The following MLLT10 variants were observed in gnomAD, a reference collection of about 807,000 sequenced individuals.
MLLT10 encodes protein AF-10.
A neutral mutation model predicts 129.1 loss-of-function variants in MLLT10; 30 were observed. The ratio of observed to expected loss-of-function variants is 0.23; its 90% CI spans 0.17 to 0.32. The LOEUF is 0.32. Ranked by LOEUF, MLLT10 falls within the 10% of genes least tolerant of loss-of-function variation. The pLI is 1.00. For synonymous variants in MLLT10, 490 were observed against 446.4 expected (o/e 1.10, Z -1.23); for missense variants, 1,119 against 1,268.3 (o/e 0.88, Z 1.79).
Position 21,612,293 on chromosome 10 carries a change from C to G in MLLT10, c.406-55C>G, listed in dbSNP as rs1199648337. ...CATTTCTGAAGATAATTGTAAAATT[C>G]TGATTCATGTTAAGAACATGTATGA... is the stretch of plus-strand genomic sequence containing the variant. On this transcript the variant is annotated intron_variant, in intron 5 of 22. Coordinates refer to ENST00000307729, the MANE Select transcript of MLLT10 (RefSeq NM_001195626.3). 8.5e-6 allele frequency: 9 copies of G among 1,059,686 alleles called. 1 individual carries two copies. Among genetic ancestry groups the G allele is most frequent in the Non-Finnish European group, 1.1e-5 (8 of 722,630 alleles). The allele number at this position is 1,059,686 out of a possible 1,614,324, so 65.6% of individuals were successfully genotyped here.
At chr10:21,671,107 C>G (rs2051352757) in intron 10 of MLLT10, 1 of 164,028 alleles carries the variant, frequency 6.1e-6, no homozygotes, top group Non-Finnish European at 1.3e-5. Flanking sequence ...CAACCTCCGC[C>G]TCTCAGGTTC....
At chr10:21,689,561 A>ATG (rs1390788945) in intron 13 of MLLT10, among the ~76,000 whole-genome samples, 128 of 90,124 alleles carry the variant, frequency 1.4e-3, no homozygotes, top group Admixed American at 2.8e-3. Flanking sequence ...ATATATATAT[A>ATG]TATGTATATA....
chr10:21,613,211 A>G (rs1454638363), intron 6 of MLLT10, among the ~76,000 whole-genome samples: 1 of 151,652 alleles, frequency 6.6e-6, no homozygotes, highest in Non-Finnish European at 1.5e-5. Context: ...AAAAAAAAAA[A>G]AAAAAAAGAT....
At chr10:21,541,936 G>C (rs1037610084) in intron 3 of MLLT10, among the ~76,000 whole-genome samples, 2 of 152,196 alleles carry the variant, frequency 1.3e-5, no homozygotes, top group Non-Finnish European at 2.9e-5. Flanking sequence ...ATCATAGAAA[G>C]TTTGGGACTT....
chr10:21,697,967 G>A (rs1470880552), intron 13 of MLLT10, among the ~76,000 whole-genome samples: 2 of 152,116 alleles, frequency 1.3e-5, no homozygotes, highest in South Asian at 2.1e-4. Context: ...TATGGGGGAC[G>A]TTTGAGTGTT....
At chr10:21,663,872 T>C (rs972640096) in intron 9 of MLLT10, among the ~76,000 whole-genome samples, 1 of 152,174 alleles carries the variant, frequency 6.6e-6, no homozygotes, top group Non-Finnish European at 1.5e-5. Context: ...TGTTTAGCAG[T>C]TTGCCCTGTG....
chr10:21,562,818 GTTTTTTTT>G (rs1163404490), intron 3 of MLLT10, among the ~76,000 whole-genome samples: 1 of 82,570 alleles, frequency 1.2e-5, no homozygotes, highest in Non-Finnish European at 2.4e-5. Flanking sequence ...TGTTTTTTTT[GTTTTTTTT>G]TTTTTTTTTT....
In MLLT10 at chr10:21,742,145, T is replaced by G. The variant is rs1234552096; in HGVS notation, c.*162T>G. On this transcript the variant is annotated 3_prime_UTR_variant, in exon 23 of 23. Transcript: ENST00000307729. ...GACATTCTTGTAAGGCTTTGATTAG[T>G]TTTCTTGTTGCTTTGTTGCACTGAA... 10 of 623,540 alleles carry G rather than the reference T, an allele frequency of 1.6e-5. No homozygotes were observed. Among genetic ancestry groups the G allele is most frequent in the Admixed American group, 1.0e-4 (3 of 29,876 alleles). 38.6% of individuals were successfully genotyped at this position (623,540 alleles called of 1,614,324 possible).
Position 21,538,925 on chromosome 10 carries a change from T to C in MLLT10, c.240+13T>C. The C allele has an allele frequency of 6.3e-7, 1 of 1,596,912 alleles. No individual in the cohort carries two copies. Among genetic ancestry groups the C allele is most frequent in the East Asian group, 2.2e-5 (1 of 44,796 alleles). On this transcript the variant is annotated intron_variant, in intron 3 of 22. Transcript: ENST00000307729. ...AGCAGCCAGAGTGGTAAGGACTATT[T>C]ATCAAAAACATTAAACTTTAGTGAG...
At chr10:21,721,265 A>C (rs1031407644) in intron 14 of MLLT10, among the ~76,000 whole-genome samples, 1 of 152,170 alleles carries the variant, frequency 6.6e-6, no homozygotes, top group Non-Finnish European at 1.5e-5. Flanking sequence ...TTTCAGATCT[A>C]TCTCTAGATG....
At chr10:21,669,103 ATT>A in intron 9 of MLLT10, 2 of 1,223,776 alleles carry the variant, frequency 1.6e-6, no homozygotes, top group Non-Finnish European at 1.1e-6. Flanking sequence ...GTAAAATGGG[ATT>A]TTTTTTTTCC....
At chr10:21,741,825 G>GA in intron 22 of MLLT10, 114 bp from the exon 23 acceptor site, 1 of 1,124,728 alleles carries the variant, frequency 8.9e-7, no homozygotes. Flanking sequence ...CAACTTGCAA[G>GA]AAAAAAGGGA....
At chr10:21,682,701 G>A (rs1355005852) in intron 13 of MLLT10, among the ~76,000 whole-genome samples, 12 of 152,150 alleles carry the variant, frequency 7.9e-5, no homozygotes, top group Non-Finnish European at 5.9e-5. Flanking sequence ...ATAAATGGAA[G>A]ATAGTCTTTT....
chr10:21,650,460 G>GA (rs1244737540), intron 8 of MLLT10, among the ~76,000 whole-genome samples: 3 of 152,100 alleles, frequency 2.0e-5, no homozygotes, highest in Non-Finnish European at 2.9e-5. Flanking sequence ...ATTAAAAGCA[G>GA]AAAAAATGGC....
chr10:21,651,619 A>G (rs1564579689), intron 8 of MLLT10, 54 bp from the exon 9 acceptor site: 1 of 1,224,778 alleles, frequency 8.2e-7, no homozygotes, highest in East Asian at 2.4e-5. Context: ...TCTCTGTTGC[A>G]TATATGGGGT....
chr10:21,738,825 C>G (rs762627672), intron 21 of MLLT10, among the ~76,000 whole-genome samples: 16 of 152,056 alleles, frequency 1.1e-4, no homozygotes, highest in Non-Finnish European at 1.8e-4. Context: ...TTCCTGGGTC[C>G]TCCTCTTCAG....
intron 13 of MLLT10, among the ~76,000 whole-genome samples, chr10:21,689,561 A>ATATGTGTATATATATATATATATG (rs1554850017): frequency 1.4e-4 from 13 of 90,144 alleles, no homozygotes; most frequent in African/African-American, 5.4e-4. Context: ...ATATATATAT[A>ATATGTGTATATATATATATATATG]TATGTATATA....
At chr10:21,640,850 C>G (rs1195986542) in intron 8 of MLLT10, among the ~76,000 whole-genome samples, 1 of 152,220 alleles carries the variant, frequency 6.6e-6, no homozygotes, top group Non-Finnish European at 1.5e-5. Flanking sequence ...TGATTCACAG[C>G]TAAGTCCAAA....
chr10:21,726,521 GGTTAT>G (rs746041675), intron 15 of MLLT10, among the ~76,000 whole-genome samples, 166 bp downstream of exon 15: 4 of 151,850 alleles, frequency 2.6e-5, no homozygotes, highest in Non-Finnish European at 5.9e-5. Context: ...TTCAGGTGCT[GGTTAT>G]GTTAACTAGC....
Sources: gnomAD v4.1 joint callset for allele counts (sites outside exome capture counted in the v4.1 genomes callset) on GRCh38, gnomAD v4.1.1 for gene constraint, MANE v1.5 for transcripts, NCBI Gene and HGNC (gene_info 2026-07-23, HGNC 2026-07-21) for gene names.